Variants in PIK3CB observed in about 807,000 individuals in gnomAD.
PIK3CB encodes phosphatidylinositol 4,5-bisphosphate 3-kinase catalytic subunit beta isoform.
Under a neutral mutation model 136.8 loss-of-function variants are expected in PIK3CB, and 39 were observed. The ratio of observed to expected loss-of-function variants is 0.29; its 90% CI spans 0.22 to 0.37. The LOEUF (loss-of-function observed/expected upper bound fraction) is 0.37, where lower values mean the gene tolerates loss of function less well. Ranked by LOEUF, PIK3CB falls within the 10% of genes least tolerant of loss-of-function variation. The pLI, the probability that PIK3CB is intolerant of heterozygous loss-of-function variation, is 1.00. For missense variants in PIK3CB, 868 were observed against 1,275.4 expected, an observed-to-expected ratio of 0.68 and a Z score of 4.87; for synonymous variants, 428 against 436.6, an observed-to-expected ratio of 0.98 and a Z score of 0.25.
At chr3:138,670,096 G>C (rs1327857021) in intron 19 of PIK3CB, among the ~76,000 whole-genome samples, 1 of 152,174 alleles carries the variant, frequency 6.6e-6, no homozygotes, top group African/African-American at 2.4e-5. Flanking sequence ...TAGACACTAG[G>C]TTTATTTCCA....
At chr3:138,695,594 A>G (rs193071924) in intron 13 of PIK3CB, among the ~76,000 whole-genome samples, 111 of 152,342 alleles carry the variant, frequency 7.3e-4, no homozygotes, top group Non-Finnish European at 1.3e-3. Context: ...GCATTTTCTC[A>G]TATCAAGCAA....
At chr3:138,718,761 C>T (rs1427391768) in intron 8 of PIK3CB, among the ~76,000 whole-genome samples, 3 of 152,164 alleles carry the variant, frequency 2.0e-5, no homozygotes, top group Admixed American at 6.6e-5. Context: ...CATCTACATA[C>T]GGCTTGCCAG....
chr3:138,665,771 T>C lies in PIK3CB; in HGVS notation c.2505-568A>G, dbSNP rs114179109. Among the ~76,000 whole-genome samples the C allele has an allele frequency of 2.1e-3, 315 of 152,252 alleles. 1 individual carries two copies. Among genetic ancestry groups the C allele is most frequent in the South Asian group, 3.9e-3 (19 of 4,818 alleles). ...CTTTTTTTGACACAGGGTTTGGCCA[T>C]GTTACCCAGGCTGCTCTTGAACTCC... On this transcript the variant is annotated intron_variant, in intron 19 of 23. Transcript: ENST00000674063.
At chr3:138,820,378 G>T (rs914790649) in intron 1 of PIK3CB, among the ~76,000 whole-genome samples, 1 of 152,186 alleles carries the variant, frequency 6.6e-6, no homozygotes, top group African/African-American at 2.4e-5. Context: ...AGGAATAAAT[G>T]TAATAACAAT....
At chr3:138,741,913 A>G (rs542670970) in intron 5 of PIK3CB, among the ~76,000 whole-genome samples, 1 of 152,324 alleles carries the variant, frequency 6.6e-6, no homozygotes, top group African/African-American at 2.4e-5. Context: ...ATACAACAGT[A>G]GTAGCATCAT....
intron 14 of PIK3CB, among the ~76,000 whole-genome samples, chr3:138,693,972 A>ATATATATATATAT: frequency 1.2e-5 from 1 of 84,914 alleles, no homozygotes; most frequent in African/African-American, 4.5e-5. Flanking sequence ...TATATTATAT[A>ATATATATATATAT]TATATATATA....
chr3:138,690,944 T>C (rs2043994983), intron 15 of PIK3CB, 56 bp downstream of exon 15: 1 of 1,339,172 alleles, frequency 7.5e-7, no homozygotes, highest in South Asian at 1.4e-5. Context: ...TATATTATGC[T>C]TGTTTATAGT....
At chr3:138,736,565 C>T (rs935309756) in intron 6 of PIK3CB, among the ~76,000 whole-genome samples, 3 of 152,094 alleles carry the variant, frequency 2.0e-5, no homozygotes, top group African/African-American at 7.2e-5. Flanking sequence ...GATATTTCAA[C>T]AAAAACATCT....
chr3:138,712,520 A>G (rs1371386377), intron 9 of PIK3CB, among the ~76,000 whole-genome samples: 1 of 152,122 alleles, frequency 6.6e-6, no homozygotes, highest in Non-Finnish European at 1.5e-5. Context: ...TTCATAATAA[A>G]TAGTATATGA....
At chr3:138,828,135 A>G (rs935917681) in intron 1 of PIK3CB, among the ~76,000 whole-genome samples, 12 of 152,088 alleles carry the variant, frequency 7.9e-5, no homozygotes, top group Admixed American at 2.6e-4. Context: ...AAAAGATTTT[A>G]GAACTAATTT....
chr3:138,727,749 A>C (rs2044871223), intron 8 of PIK3CB, among the ~76,000 whole-genome samples: 1 of 152,258 alleles, frequency 6.6e-6, no homozygotes, highest in Non-Finnish European at 1.5e-5. Flanking sequence ...ACAACAACAA[A>C]ACAAATTCTC....
chr3:138,724,872 GAGA>G (rs2044804362), intron 8 of PIK3CB, among the ~76,000 whole-genome samples: 1 of 152,118 alleles, frequency 6.6e-6, no homozygotes, highest in Non-Finnish European at 1.5e-5. Context: ...TCTGACTTAT[GAGA>G]AGAATACTAC....
At chr3:138,707,750 T>A in intron 10 of PIK3CB, 1 of 164,540 alleles carries the variant, frequency 6.1e-6, no homozygotes, top group Non-Finnish European at 1.3e-5. Context: ...TGCTCTTTAT[T>A]ATCCTGCAAC....
intron 6 of PIK3CB, among the ~76,000 whole-genome samples, chr3:138,736,988 G>A (rs1246780664): frequency 6.6e-6 from 1 of 152,086 alleles, no homozygotes; most frequent in Non-Finnish European, 1.5e-5. Flanking sequence ...ACCTCCCCCA[G>A]AATATTTCAC....
intron 8 of PIK3CB, among the ~76,000 whole-genome samples, chr3:138,733,025 G>A (rs2045019327): frequency 6.6e-6 from 1 of 150,664 alleles, no homozygotes; most frequent in Admixed American, 6.6e-5. Flanking sequence ...TTGCACCTTT[G>A]AATTATTTCT....
intron 2 of PIK3CB, among the ~76,000 whole-genome samples, chr3:138,763,427 G>A (rs1303509908): frequency 1.3e-5 from 2 of 152,088 alleles, no homozygotes; most frequent in Non-Finnish European, 2.9e-5. Flanking sequence ...ATGAGCCACC[G>A]TGCCCGGCCC....
chr3:138,767,000 C>CT (rs11290867), intron 2 of PIK3CB, among the ~76,000 whole-genome samples: 8 of 150,584 alleles, frequency 5.3e-5, no homozygotes, highest in South Asian at 2.1e-4. Flanking sequence ...CAGTATTCCC[C>CT]TTTTTTTTTT....
intron 2 of PIK3CB, among the ~76,000 whole-genome samples, chr3:138,784,961 C>T (rs1313973861): frequency 6.6e-6 from 1 of 151,944 alleles, no homozygotes; most frequent in South Asian, 2.1e-4. Context: ...CTCTGCCCGG[C>T]CACCCCGTCT....
At chr3:138,826,685 A>G (rs1342571943) in intron 1 of PIK3CB, among the ~76,000 whole-genome samples, 1 of 152,152 alleles carries the variant, frequency 6.6e-6, no homozygotes, top group African/African-American at 2.4e-5. Flanking sequence ...CAGAGCATAC[A>G]TACACATACA....
Sources: allele counts gnomAD v4.1 joint callset (sites outside exome capture counted in the v4.1 genomes callset), GRCh38; gene constraint gnomAD v4.1.1; transcripts MANE v1.5; gene names NCBI Gene and HGNC (gene_info 2026-07-23, HGNC 2026-07-21).